PLCZ1: variants seen among roughly 807,000 people sequenced by gnomAD.
PLCZ1 encodes the protein 1-phosphatidylinositol 4,5-bisphosphate phosphodiesterase zeta-1.
PLCZ1 carries 64 observed loss-of-function variants against 76.8 expected under a neutral mutation model. That is an observed-to-expected ratio of 0.83 (90% CI 0.68 to 1.03). The LOEUF (loss-of-function observed/expected upper bound fraction) is 1.03, where lower values mean the gene tolerates loss of function less well. Ranked by LOEUF, PLCZ1 falls within the 50% of genes least tolerant of loss-of-function variation. PLCZ1 has a pLI of 0.00. For missense variants in PLCZ1, 751 were observed against 713.7 expected, an observed-to-expected ratio of 1.05 and a Z score of -0.60; for synonymous variants, 248 against 230.8, an observed-to-expected ratio of 1.07 and a Z score of -0.68.
At chr12:18,704,874 A>G (rs946436671) in intron 7 of PLCZ1, among the ~76,000 whole-genome samples, 1 of 152,152 alleles carries the variant, frequency 6.6e-6, no homozygotes, top group Admixed American at 6.5e-5. Context: ...CCTGTAAAAC[A>G]TACTAAATTT....
the PLCZ1 span, among the ~76,000 whole-genome samples, chr12:18,661,998 C>T: frequency 6.6e-6 from 1 of 152,042 alleles, no homozygotes; most frequent in African/African-American, 2.4e-5. Flanking sequence ...GCCATTATCC[C>T]ATTATCCTAA....
chr12:18,665,328 G>T, the PLCZ1 span, among the ~76,000 whole-genome samples: 1 of 151,936 alleles, frequency 6.6e-6, no homozygotes, highest in Non-Finnish European at 1.5e-5. Flanking sequence ...TGTAGAATGA[G>T]AATGTATTTA....
chr12:18,650,331 C>CTATATA, the PLCZ1 span, among the ~76,000 whole-genome samples: 140 of 91,912 alleles, frequency 1.5e-3, no homozygotes, highest in Non-Finnish European at 1.7e-3. Context: ...CTCTCTCTCT[C>CTATATA]TATATATATA....
chr12:18,709,595 A>G (rs769486481), intron 6 of PLCZ1, among the ~76,000 whole-genome samples: 38 of 151,944 alleles, frequency 2.5e-4, no homozygotes, highest in Admixed American at 5.9e-4. Flanking sequence ...AAATCTGTAC[A>G]CTGTAGCCTA....
chr12:18,693,475 C>G, intron 12 of PLCZ1: 1 of 1,607,838 alleles, frequency 6.2e-7, no homozygotes, highest in Non-Finnish European at 8.5e-7. Context: ...CAGGTAAAAC[C>G]TTGTTAGCCA....
chr12:18,723,955 C>A (rs949099922), intron 3 of PLCZ1, among the ~76,000 whole-genome samples: 3 of 152,010 alleles, frequency 2.0e-5, no homozygotes, highest in African/African-American at 7.2e-5. Flanking sequence ...ACTGCAGAAG[C>A]TGTAGTAGTT....
intron 5 of PLCZ1, among the ~76,000 whole-genome samples, chr12:18,718,659 C>CT (rs1266095032): frequency 3.3e-5 from 5 of 152,140 alleles, no homozygotes; most frequent in Non-Finnish European, 7.4e-5. Context: ...CTTGAGAAGA[C>CT]TTTTCTGACA....
intron 5 of PLCZ1, among the ~76,000 whole-genome samples, chr12:18,716,719 C>G (rs1242774735): frequency 6.6e-6 from 1 of 152,114 alleles, no homozygotes; most frequent in Non-Finnish European, 1.5e-5. Context: ...ATCTATTTAT[C>G]TTTAAATTTC....
intron 10 of PLCZ1, among the ~76,000 whole-genome samples, chr12:18,698,854 T>C (rs1955487435): frequency 6.6e-6 from 1 of 152,282 alleles, no homozygotes. Context: ...TGTTGCACTA[T>C]CAAATACTAT....
At chr12:18,650,700 GTGTGTATATATCTATATATA>G in the PLCZ1 span, among the ~76,000 whole-genome samples, 42 of 43,824 alleles carry the variant, frequency 9.6e-4, 1 homozygote, top group South Asian at 2.3e-3. Context: ...GTGTGTGTGT[GTGTGTATATATCTATATATA>G]TATATATATA....
chr12:18,696,023 T>A, intron 11 of PLCZ1, 127 bp downstream of exon 11: 1 of 578,748 alleles, frequency 1.7e-6, no homozygotes, highest in South Asian at 1.8e-5. Flanking sequence ...CATTAGTGCC[T>A]GACCCCAAAG....
chr12:18,657,969 C>T, the PLCZ1 span, among the ~76,000 whole-genome samples: 5 of 152,086 alleles, frequency 3.3e-5, no homozygotes, highest in Admixed American at 2.6e-4. Flanking sequence ...AATAATATCA[C>T]TTCAAATAGA....
the PLCZ1 span, among the ~76,000 whole-genome samples, chr12:18,674,083 T>C: frequency 2.0e-5 from 3 of 152,224 alleles, no homozygotes; most frequent in Non-Finnish European, 4.4e-5. Context: ...TTACAGTCTG[T>C]CTACCACAAC....
At chr12:18,729,976 T>C (rs1958954093) in intron 3 of PLCZ1, among the ~76,000 whole-genome samples, 1 of 152,162 alleles carries the variant, frequency 6.6e-6, no homozygotes, top group African/African-American at 2.4e-5. Context: ...CATATATTTA[T>C]TGAGCACCTA....
chr12:18,690,149 GAT>G (rs1405870379), intron 12 of PLCZ1, among the ~76,000 whole-genome samples: 1 of 152,124 alleles, frequency 6.6e-6, no homozygotes, highest in Non-Finnish European at 1.5e-5. Context: ...AATGAACCTA[GAT>G]ATATTGGGCA....
At chr12:18,655,479 A>T in the PLCZ1 span, among the ~76,000 whole-genome samples, 1 of 152,214 alleles carries the variant, frequency 6.6e-6, no homozygotes, top group African/African-American at 2.4e-5. Context: ...GAGATGTTGC[A>T]CCTGATAAAA....
rs1240534832 is a variant in PLCZ1 at position 18,696,141 on chromosome 12, A to G, written c.1291+9T>C. The G allele has an allele frequency of 3.0e-6, 4 of 1,338,358 alleles. No individual in the cohort carries two copies. The highest frequency in any genetic ancestry group is 2.4e-5 in the South Asian group (2 of 84,600). 82.9% of individuals were successfully genotyped at this position (1,338,358 alleles called of 1,614,324 possible). A position where few individuals can be genotyped will look rare whatever the true frequency, so the allele number is the denominator to read the frequency against. ...TTCTGCAAACAACTCAATATCGTAT[A>G]TAACATACCCATTTGACAACCTATA... On this transcript the variant is annotated intron_variant, in intron 11 of 14. Transcript: ENST00000266505.
intron 3 of PLCZ1, chr12:18,731,153 C>T (rs1219242038): frequency 6.6e-6 from 1 of 151,962 alleles, no homozygotes; most frequent in Non-Finnish European, 1.5e-5. Flanking sequence ...TGTTGGAAGA[C>T]AATTCTCCAT....
At chr12:18,680,612 A>G (rs1952323086), downstream of PLCZ1, among the ~76,000 whole-genome samples, 1 of 152,038 alleles carries the variant, frequency 6.6e-6, no homozygotes, top group Admixed American at 6.6e-5. Context: ...AATTAACAAC[A>G]TAATTAAACT....
Sources: gnomAD v4.1 joint callset for allele counts (sites outside exome capture counted in the v4.1 genomes callset) on GRCh38, gnomAD v4.1.1 for gene constraint, MANE v1.5 for transcripts, NCBI Gene and HGNC (gene_info 2026-07-23, HGNC 2026-07-21) for gene names.